SLC25A27: variants seen among roughly 807,000 people sequenced by gnomAD.
The protein encoded by SLC25A27 is mitochondrial uncoupling protein 4.
A neutral mutation model predicts 49.1 loss-of-function variants in SLC25A27; 35 were observed. The ratio of observed to expected loss-of-function variants is 0.71; its 90% CI spans 0.54 to 0.95. The LOEUF (loss-of-function observed/expected upper bound fraction) is 0.95. SLC25A27 is among the 40% of genes least tolerant of loss of function. The probability of loss-of-function intolerance (pLI) is 0.00; values close to 1 mark genes in which losing one functional copy is unlikely to be tolerated. For missense variants in SLC25A27, 339 were observed against 397.1 expected (o/e 0.85, Z 1.24); for synonymous variants, 144 against 136.9 (o/e 1.05, Z -0.36).
intron 8 of SLC25A27, among the ~76,000 whole-genome samples, chr6:46,674,196 G>GA (rs112018631): frequency 0.046 from 6,942 of 151,746 alleles, 388 homozygotes; most frequent in African/African-American, 0.13. Context: ...TATAAATAAG[G>GA]AAAAAAAGAG....
chr6:46,661,428 T>C (rs1346067024), intron 3 of SLC25A27, among the ~76,000 whole-genome samples: 3 of 152,214 alleles, frequency 2.0e-5, no homozygotes, highest in East Asian at 1.9e-4. Context: ...TGAAATACTG[T>C]CAAACTATTA....
chr6:46,653,099 T>G lies in SLC25A27; in HGVS notation c.-94T>G. On this transcript the variant is annotated 5_prime_UTR_variant, in exon 1 of 9. The change abolishes the stop of an existing upstream ORF in the 5' untranslated region. Transcript: ENST00000371347. Reference sequence around the variant, plus strand: ...GGTCCTCACCCGGCCACTCGCCGGTTGAAAAGGGGCCGCCCTGGCAGGGAA... The same window carrying G: ...GGTCCTCACCCGGCCACTCGCCGGTGGAAAAGGGGCCGCCCTGGCAGGGAA... The G allele has an allele frequency of 8.1e-7, 1 of 1,234,584 alleles. No individual in the cohort carries two copies. Among genetic ancestry groups the G allele is most frequent in the Non-Finnish European group, 1.2e-6 (1 of 861,062 alleles). The allele number at this position is 1,234,584 out of a possible 1,614,324, so 76.5% of individuals were successfully genotyped here.
intron 3 of SLC25A27, among the ~76,000 whole-genome samples, chr6:46,659,419 G>C (rs1443043633): frequency 5.9e-5 from 9 of 152,092 alleles, no homozygotes; most frequent in Non-Finnish European, 8.8e-5. Flanking sequence ...AGTTTTCACA[G>C]CTATAGAAGT....
At chr6:46,655,531 GTTTGTTTTTTTTTTTTTTTTTTTTTT>G (rs1371084979) in intron 1 of SLC25A27, among the ~76,000 whole-genome samples, 2,075 of 98,546 alleles carry the variant, frequency 0.021, 135 homozygotes, top group African/African-American at 0.067. Flanking sequence ...TATTGTTAAT[GTTTGTTTTTTTTTTTTTTTTTTTTTT>G]TTTTTTTTTT....
At position 46,677,938 on chromosome 6, in the gene SLC25A27, A is replaced by G. The variant is rs1328309542; in HGVS notation, c.*1484A>G. On this transcript the variant is annotated 3_prime_UTR_variant, in exon 9 of 9. Coordinates refer to ENST00000371347, the MANE Select transcript of SLC25A27 (RefSeq NM_004277.5). ...ATATGCAGTAGCTTATTGTTTTTCT[A>G]GTTGCAGAGAATGTGAAGTTTAATC... 6.6e-6 allele frequency: 1 copy of G among 150,744 alleles called. No homozygotes were observed. The highest frequency in any genetic ancestry group is 1.5e-5 in the Non-Finnish European group (1 of 67,690). The allele number at this position is 150,744 out of a possible 1,614,324, so 9.3% of individuals were successfully genotyped here.
rs867117424 is a variant in SLC25A27, at chr6:46,662,497, C to A, written c.505C>A (p.Arg169=). The change falls in exon 4 of 9, where the codon CGA becomes AGA. Residue 169 remains arginine (R), a splice_region_variant and synonymous_variant. Coordinates refer to ENST00000371347, the MANE Select transcript of SLC25A27 (RefSeq NM_004277.5). The part of the protein sequence containing the change: ...GKRKLEGKPL[R]FRGVHHAFAK... ...AAGGAAACTGGAAGGAAAACCATTG[C>A]GGTAAGTTCTCCAATTAACCAATAC... 6.2e-7 allele frequency: 1 copy of A among 1,613,538 alleles called. No individual in the cohort carries two copies. The highest frequency in any genetic ancestry group is 8.5e-7 in the Non-Finnish European group (1 of 1,179,790).
At position 46,670,145 on chromosome 6, in the gene SLC25A27, G is replaced by A; in HGVS notation, c.715G>A (p.Gly239Arg). 6.2e-7 allele frequency: 1 copy of A among 1,608,970 alleles called. No individual in the cohort carries two copies. Among genetic ancestry groups the A allele is most frequent in the Non-Finnish European group, 8.5e-7 (1 of 1,176,516 alleles). Reference sequence around the variant, plus strand: ...TATTTGTATTTATAGTTTATGTTCTGGACTGGTAGCTTCTATTCTGGGAAC... The same window carrying A: ...TATTTGTATTTATAGTTTATGTTCTAGACTGGTAGCTTCTATTCTGGGAAC... Reference protein sequence around the residue: ...MTHGLSSLCSGLVASILGTPA... With the variant: ...MTHGLSSLCSRLVASILGTPA... The change falls in exon 7 of 9, where the codon GGA (glycine) becomes AGA (arginine). Residue 239 changes from glycine (G) to arginine (R), a missense_variant. Physicochemically the swap from Gly to Arg is moderately radical, Grantham distance 125 (BLOSUM62 -2). Coordinates refer to ENST00000371347, the MANE Select transcript of SLC25A27 (RefSeq NM_004277.5).
In SLC25A27 at chr6:46,670,198, A is replaced by T. The variant is rs1217708463; in HGVS notation, c.768A>T (p.Ile256=). 6.2e-7 allele frequency: 1 copy of T among 1,613,288 alleles called. No homozygotes were observed. Among genetic ancestry groups the T allele is most frequent in the Non-Finnish European group, 8.5e-7 (1 of 1,179,656 alleles). The change falls in exon 7 of 9, where the codon ATA becomes ATT. Residue 256 remains isoleucine, a synonymous_variant. Coordinates refer to ENST00000371347, the MANE Select transcript of SLC25A27 (RefSeq NM_004277.5). ...CAGCCGATGTCATCAAAAGCAGAAT[A>T]ATGAATCAACCACGAGATAAACAAG... ...GTPADVIKSR[I]MNQPRDKQGR...
chr6:46,655,535 GTTTTTTTTTTTTTTTTTTTTT>G (rs773585919), intron 1 of SLC25A27, among the ~76,000 whole-genome samples: 3 of 10,744 alleles, frequency 2.8e-4, no homozygotes, highest in African/African-American at 8.9e-4. Context: ...GTTAATGTTT[GTTTTTTTTTTTTTTTTTTTTT>G]TTTTTTTTTT....
At chr6:46,659,097 T>A (rs773448660) in intron 3 of SLC25A27, 51 bp downstream of exon 3, 1 of 1,153,700 alleles carries the variant, frequency 8.7e-7, no homozygotes, top group Non-Finnish European at 1.3e-6. Context: ...GCCTTAATGT[T>A]TATTAGGTTT....
rs1762966891 is a variant in SLC25A27, at chr6:46,656,018, C to A, written c.282C>A (p.Ala94=). ...FLKLWQGVTP[A]IYRHVVYSGG... The stretch of plus-strand genomic sequence containing the variant: ...AGCTTTGGCAAGGAGTGACACCCGC[C>A]ATTTACAGACACGTAGGTATTTATC... Residue 94 remains alanine, a synonymous_variant, in exon 2 of 9, where the codon GCC becomes GCA. Transcript: ENST00000371347. 1 of 1,610,462 alleles carries A rather than the reference C, an allele frequency of 6.2e-7. No homozygotes were observed.
intron 8 of SLC25A27, among the ~76,000 whole-genome samples, chr6:46,673,224 A>G (rs145572948): frequency 1.4e-3 from 210 of 152,348 alleles, no homozygotes; most frequent in African/African-American, 1.8e-3. Flanking sequence ...TATATGGCCA[A>G]CACTGTGCTA....
At chr6:46,653,431 G>GGCGGTGGAGGCCAGGCCC (rs1352586651) in intron 1 of SLC25A27, 133 bp downstream of exon 1, 9 of 1,432,590 alleles carry the variant, frequency 6.3e-6, no homozygotes, top group Non-Finnish European at 8.2e-6. Context: ...TGGCAGAGGT[G>GGCGGTGGAGGCCAGGCCC]GCGGTGGAGG....
intron 4 of SLC25A27, 69 bp downstream of exon 4, chr6:46,662,567 A>C: frequency 6.6e-7 from 1 of 1,511,326 alleles, no homozygotes; most frequent in South Asian, 1.2e-5. Flanking sequence ...ACAAGTACCT[A>C]ATAGAATTAT....
intron 8 of SLC25A27, 129 bp from the exon 9 acceptor site, chr6:46,676,254 T>C: frequency 1.3e-6 from 1 of 750,372 alleles, no homozygotes. Flanking sequence ...AAAGGTGAAA[T>C]ACCAAAATAT....
intron 3 of SLC25A27, among the ~76,000 whole-genome samples, chr6:46,660,624 G>A (rs1763133183): frequency 6.6e-6 from 1 of 151,940 alleles, no homozygotes; most frequent in African/African-American, 2.4e-5. Context: ...ATATATTTAT[G>A]GCATAACACA....
chr6:46,662,220 A>G lies in SLC25A27; in HGVS notation c.384-156A>G, dbSNP rs1290294514. On this transcript the variant is annotated intron_variant, in intron 3 of 8. Coordinates refer to ENST00000371347, the MANE Select transcript of SLC25A27 (RefSeq NM_004277.5). ...TTTAACCTCCCATCAGTAAACAGTCAAACTGTTTACTTTACTCTGTGACTT... is the reference window on the plus strand; with the variant it reads ...TTTAACCTCCCATCAGTAAACAGTCGAACTGTTTACTTTACTCTGTGACTT... Among the ~76,000 whole-genome samples, 3 of 152,176 alleles carry G rather than the reference A, an allele frequency of 2.0e-5. No individual in the cohort carries two copies. The East Asian group carries it at 5.8e-4, about 29-fold the overall frequency.
chr6:46,654,027 T>C (rs1582491645), intron 1 of SLC25A27: 1 of 773,562 alleles, frequency 1.3e-6, no homozygotes, highest in Non-Finnish European at 1.6e-6. Flanking sequence ...CATAAAAGCA[T>C]AGAAGAGCAG....
chr6:46,658,408 A>T, intron 2 of SLC25A27: 1 of 341,176 alleles, frequency 2.9e-6, no homozygotes, highest in South Asian at 2.2e-5. Context: ...TTTGTTGTTC[A>T]TTGTGTTGTT....
Sources: allele counts gnomAD v4.1 joint callset (sites outside exome capture counted in the v4.1 genomes callset), GRCh38; gene constraint gnomAD v4.1.1; transcripts MANE v1.5; gene names NCBI Gene and HGNC (gene_info 2026-07-23, HGNC 2026-07-21).